CIAO3: variants seen among roughly 807,000 people sequenced by gnomAD.
CIAO3 encodes the protein LET1 like/JFP15.
Under a neutral mutation model 51.5 loss-of-function variants are expected in CIAO3, and 45 were observed. The ratio of observed to expected loss-of-function variants is 0.87; its 90% CI spans 0.69 to 1.12. CIAO3 has a LOEUF of 1.12. Ranked by LOEUF, CIAO3 falls within the 50% of genes most tolerant of loss-of-function variation. The pLI, the probability that CIAO3 is intolerant of heterozygous loss-of-function variation, is 0.00. For synonymous variants in CIAO3, 314 were observed against 269.3 expected, an observed-to-expected ratio of 1.17 and a Z score of -1.63; for missense variants, 668 against 632.5, an observed-to-expected ratio of 1.06 and a Z score of -0.60.
At chr16:731,038 C>T (rs2041273768) in intron 9 of CIAO3, 38 bp from the exon 10 acceptor site, 1 of 1,607,096 alleles carries the variant, frequency 6.2e-7, no homozygotes, top group Non-Finnish European at 8.5e-7. Flanking sequence ...CATGGCACAC[C>T]CACCAGGCTC....
At chr16:733,147 G>A in intron 7 of CIAO3, 151 bp downstream of exon 7, 1 of 1,010,848 alleles carries the variant, frequency 9.9e-7, no homozygotes. Context: ...TGGCTCCAAG[G>A]GGAGAGACGA....
At chr16:738,882 GC>G (rs111226188) in intron 2 of CIAO3, among the ~76,000 whole-genome samples, 4,992 of 148,586 alleles carry the variant, frequency 0.034, 293 homozygotes, top group African/African-American at 0.12. Flanking sequence ...CAGGTGATCC[GC>G]CCCCCCTACC....
chr16:739,617 T>C (rs780627735), intron 2 of CIAO3, 26 bp downstream of exon 2: 2 of 1,603,358 alleles, frequency 1.2e-6, no homozygotes, highest in Non-Finnish European at 1.7e-6. Context: ...GCAGGAGAGA[T>C]GGTGGAGCAG....
At chr16:735,113 C>T (rs1002701687) in intron 4 of CIAO3, 1 of 483,890 alleles carries the variant, frequency 2.1e-6, no homozygotes, top group Non-Finnish European at 3.6e-6. Flanking sequence ...GCCTTGGTTT[C>T]CCACCCCAGA....
Position 737,396 on chromosome 16 carries a change from T to G in CIAO3, c.163-67A>C, listed in dbSNP as rs1205046470. On this transcript the variant is annotated intron_variant, in intron 2 of 10. Transcript: ENST00000251588. This position sits in a 1 kb window ranked among gnomAD's most constrained non-coding sequence, Gnocchi z 5.3. ...ACGAGGACATGGAGACAGAGGATAG[T>G]GGAGTCCAGCTCATAACCGACAACC... The G allele has an allele frequency of 6.2e-7, 1 of 1,602,442 alleles. No homozygotes were observed. Among genetic ancestry groups the G allele is most frequent in the African/African-American group, 1.3e-5 (1 of 74,810 alleles).
chr16:732,606 A>C (rs1434513652), intron 7 of CIAO3: 1 of 642,562 alleles, frequency 1.6e-6, no homozygotes, highest in Non-Finnish European at 2.9e-6. Flanking sequence ...CTGCTCACCC[A>C]GTGTCCATCT....
In CIAO3 at chr16:731,615, G is replaced by C. The variant is rs376369638; in HGVS notation, c.984C>G (p.Ala328=). Residue 328 remains alanine (A), a synonymous_variant, in exon 9 of 11, where the codon GCC becomes GCG. Transcript: ENST00000251588. ...CCACATGGATTCCAAAGAGCTCTCG[G>C]GCCGCGTGCCGGAACACGTGCTCCA... ...GYLEHVFRHA[A]RELFGIHVAE... 36 of 1,562,878 alleles carry C rather than the reference G, an allele frequency of 2.3e-5. No homozygotes were observed. In the African/African-American group the frequency reaches 4.4e-4, roughly 19 times the overall value.
Position 737,388 on chromosome 16 carries a change from G to C in CIAO3, c.163-59C>G, listed in dbSNP as rs572029876. On this transcript the variant is annotated intron_variant, in intron 2 of 10. Coordinates refer to ENST00000251588, the MANE Select transcript of CIAO3 (RefSeq NM_022493.3). The surrounding 1 kb of genome is among the most constrained non-coding windows in gnomAD (Gnocchi z 5.3). ...CCCTCTGCACGAGGACATGGAGACA[G>C]AGGATAGTGGAGTCCAGCTCATAAC... The C allele has an allele frequency of 1.5e-4, 234 of 1,603,184 alleles. No homozygotes were observed. The highest frequency in any genetic ancestry group is 1.9e-4 in the Non-Finnish European group (226 of 1,173,372).
At chr16:739,011 G>A (rs2041366117) in intron 2 of CIAO3, among the ~76,000 whole-genome samples, 1 of 149,424 alleles carries the variant, frequency 6.7e-6, no homozygotes, top group Non-Finnish European at 1.5e-5. Flanking sequence ...AGAATGAGGG[G>A]TCTGGGCTGG....
chr16:734,387 C>T lies in CIAO3; in HGVS notation c.575-40G>A, dbSNP rs750809752. 32 of 1,434,922 alleles carry T rather than the reference C, an allele frequency of 2.2e-5. 1 individual carries two copies. The South Asian group carries it at 2.6e-4, about 12-fold the overall frequency. 88.9% of individuals were successfully genotyped at this position (1,434,922 alleles called of 1,614,324 possible). ...GGCACACGGGGCTGGCGGGGGCGCA[C>T]GGCGGCCCCCGCACCCACAGGCAGC... On this transcript the variant is annotated intron_variant, in intron 5 of 10. Transcript: ENST00000251588.
chr16:736,505 C>T, intron 3 of CIAO3, 107 bp from the exon 4 acceptor site: 9 of 1,375,400 alleles, frequency 6.5e-6, no homozygotes, highest in South Asian at 1.3e-5. Flanking sequence ...GGCAGGCCAG[C>T]TCCATCAAGA....
intron 5 of CIAO3, 99 bp from the exon 6 acceptor site, chr16:734,446 AG>A: frequency 1.1e-6 from 1 of 908,220 alleles, no homozygotes; most frequent in Non-Finnish European, 1.7e-6. Context: ...CCGCTCATAC[AG>A]GAGATCATGA....
At position 730,387 on chromosome 16, in the gene CIAO3, G is replaced by A. The variant is rs2041260123; in HGVS notation, c.*30C>T. On this transcript the variant is annotated 3_prime_UTR_variant, in exon 11 of 11. Transcript: ENST00000251588. ...TGGTTCTGCTGTCACACATGGACAC[G>A]GCCTCCTGGGAGTCCTGGTCCTGCA... 5 of 1,586,282 alleles carry A rather than the reference G, an allele frequency of 3.2e-6. No homozygotes were observed. Among genetic ancestry groups the A allele is most frequent in the East Asian group, 2.2e-5 (1 of 44,736 alleles).
intron 2 of CIAO3, 91 bp downstream of exon 2, chr16:739,552 G>T: frequency 7.8e-7 from 1 of 1,280,640 alleles, no homozygotes; most frequent in Non-Finnish European, 1.1e-6. Flanking sequence ...GGAGTGTCTC[G>T]GGGTCACCGC....
intron 1 of CIAO3, 53 bp from the exon 2 acceptor site, chr16:739,791 T>C (rs2041373785): frequency 7.6e-6 from 12 of 1,569,220 alleles, no homozygotes; most frequent in South Asian, 5.7e-5. Context: ...GGAGGTTCCC[T>C]GGGAGGCCAG....
Position 734,784 on chromosome 16 carries a change from T to G in CIAO3, c.527A>C (p.Gln176Pro). The G allele has an allele frequency of 6.2e-7, 1 of 1,610,134 alleles. No homozygotes were observed. The highest frequency in any genetic ancestry group is 1.1e-5 in the South Asian group (1 of 91,016). Reference protein sequence around the residue: ...QREFVRRFRGQADCRQALPLL... With the variant: ...QREFVRRFRGPADCRQALPLL... The stretch of plus-strand genomic sequence containing the variant: ...GGGCAGCGCCTGTCTGCAGTCGGCC[T>G]GTCCTCGGAATCGCCGCACAAACTC... The change falls in exon 5 of 11, where the codon CAG (glutamine) becomes CCG (proline). Residue 176 changes from glutamine to proline, a missense_variant. Physicochemically the swap from Gln to Pro is moderately conservative, Grantham distance 76. Transcript: ENST00000251588.
intron 2 of CIAO3, among the ~76,000 whole-genome samples, chr16:738,649 GC>G (rs2041363076): frequency 6.6e-6 from 1 of 150,454 alleles, no homozygotes; most frequent in Non-Finnish European, 1.5e-5. Context: ...ACCGCGCCAG[GC>G]CCAGTTTCTT....
rs1352061949 is a variant in CIAO3, at chr16:734,235, C to T, written c.687G>A (p.Gln229=). The T allele has an allele frequency of 1.2e-6, 2 of 1,611,218 alleles. No homozygotes were observed. The highest frequency in any genetic ancestry group is 1.1e-5 in the South Asian group (1 of 91,080). ...GCTGGCCCAACGCCGTTACCTGCTG[C>T]TGGGCGAAGAAGTCCTTGACCAGGG... ...MGSLVKDFFA[Q]QQHLTPDKIY... The change falls in exon 6 of 11, where the codon CAG becomes CAA. Residue 229 remains glutamine, a synonymous_variant. Coordinates refer to ENST00000251588, the MANE Select transcript of CIAO3 (RefSeq NM_022493.3).
chr16:737,751 G>C lies in CIAO3; in HGVS notation c.163-422C>G. 2 of 1,266,016 alleles carry C rather than the reference G, an allele frequency of 1.6e-6. No homozygotes were observed. The highest frequency in any genetic ancestry group is 2.0e-6 in the Non-Finnish European group (2 of 976,496). The allele number at this position is 1,266,016 out of a possible 1,614,324, so 78.4% of individuals were successfully genotyped here. On this transcript the variant is annotated intron_variant, in intron 2 of 10. Transcript: ENST00000251588. This position sits in a 1 kb window ranked among gnomAD's most constrained non-coding sequence, Gnocchi z 5.3. ...AAAGGAGGAAAGGACGAAGGCACAG[G>C]AAGAGGAGAGCAGAGGGAGGAAGCC...
Sources: allele counts gnomAD v4.1 joint callset (sites outside exome capture counted in the v4.1 genomes callset), GRCh38; gene constraint gnomAD v4.1.1; non-coding constraint Gnocchi (gnomAD v3.1); transcripts MANE v1.5; gene names NCBI Gene and HGNC (gene_info 2026-07-23, HGNC 2026-07-21).